Variants in PLS1 observed in about 807,000 individuals in gnomAD.
The protein encoded by PLS1 is plastin 1.
Under a neutral mutation model 73.7 loss-of-function variants are expected in PLS1, and 32 were observed. The observed-to-expected ratio is 0.43, with a 90% confidence interval of 0.33 to 0.58. PLS1 has a LOEUF of 0.58. Ranked by LOEUF, PLS1 falls within the 20% of genes least tolerant of loss-of-function variation. The probability of loss-of-function intolerance (pLI) is 0.04; values close to 1 mark genes in which losing one functional copy is unlikely to be tolerated. For synonymous variants in PLS1, 217 were observed against 261.3 expected, an observed-to-expected ratio of 0.83 and a Z score of 1.63; for missense variants, 633 against 740.5, an observed-to-expected ratio of 0.85 and a Z score of 1.68.
At position 142,712,019 on chromosome 3, in the gene PLS1, G is replaced by T; in HGVS notation, c.*12G>T. On this transcript the variant is annotated 3_prime_UTR_variant, in exon 16 of 16. Transcript: ENST00000457734. ...ACAGAATAAAATAATCATTTCATAT[G>T]ATTTTCTGCCACATTAAACATATTG... 1 of 1,610,758 alleles carries T rather than the reference G, an allele frequency of 6.2e-7. No individual in the cohort carries two copies.
intron 1 of PLS1, among the ~76,000 whole-genome samples, chr3:142,622,500 A>C (rs1402884511): frequency 6.6e-6 from 1 of 152,202 alleles, no homozygotes; most frequent in Non-Finnish European, 1.5e-5. Context: ...GGGATCATAC[A>C]GTACTGTATG....
chr3:142,676,332 T>G (rs1047386020), intron 5 of PLS1, 43 bp downstream of exon 5: 1 of 1,580,000 alleles, frequency 6.3e-7, no homozygotes, highest in African/African-American at 1.4e-5. Flanking sequence ...TCTTGCTGAT[T>G]ACATTGATGA....
chr3:142,706,740 A>G (rs73002088), intron 14 of PLS1, among the ~76,000 whole-genome samples: 10,668 of 152,158 alleles, frequency 0.07, 1,218 homozygotes, highest in African/African-American at 0.24. Context: ...TTAGAAAGCT[A>G]TAAGTTATTG....
At position 142,713,625 on chromosome 3, in the gene PLS1, TCA is replaced by T. The variant is rs1431793963; in HGVS notation, c.*1621_*1622del. On this transcript the variant is annotated 3_prime_UTR_variant, in exon 16 of 16. Transcript: ENST00000457734. ...CTGGCACTTTAGGGTGTTCTTTTTC[TCA>T]CAGAGTATATTTAATAAAAATGCTG... 1.3e-5 allele frequency: 2 copies of T among 152,718 alleles called. No homozygotes were observed. The highest frequency in any genetic ancestry group is 2.4e-5 in the African/African-American group (1 of 41,584). 9.5% of individuals were successfully genotyped at this position (152,718 alleles called of 1,614,324 possible).
At chr3:142,683,918 G>T in intron 6 of PLS1, 88 bp from the exon 7 acceptor site, 4 of 806,692 alleles carry the variant, frequency 5.0e-6, no homozygotes, top group Non-Finnish European at 7.6e-6. Context: ...TCTGAAATTT[G>T]GCAGTCCATT....
intron 1 of PLS1, among the ~76,000 whole-genome samples, chr3:142,625,996 T>A (rs1488354590): frequency 6.6e-6 from 1 of 152,148 alleles, no homozygotes; most frequent in Non-Finnish European, 1.5e-5. Flanking sequence ...AATGAATGAA[T>A]AAATGAATTC....
chr3:142,613,166 T>G (rs920404718), intron 1 of PLS1, among the ~76,000 whole-genome samples: 2 of 152,098 alleles, frequency 1.3e-5, no homozygotes, highest in Non-Finnish European at 2.9e-5. Flanking sequence ...TCAGATACAG[T>G]TTACTTTCCC....
rs552070780 is a variant in PLS1, at chr3:142,596,423, C to A, written c.-123C>A. ...CGCGAGCGCAGCGGCTACGCGGGCGCGGAGAGGTAGCCGCAGAGTGGACCT... is the reference window on the plus strand; with the variant it reads ...CGCGAGCGCAGCGGCTACGCGGGCGAGGAGAGGTAGCCGCAGAGTGGACCT... On this transcript the variant is annotated 5_prime_UTR_variant, in exon 1 of 16. Transcript: ENST00000457734. 6.6e-6 allele frequency: 1 copy of A among 152,400 alleles called. No homozygotes were observed. Among genetic ancestry groups the A allele is most frequent in the Non-Finnish European group, 1.5e-5 (1 of 68,106 alleles). 9.4% of individuals were successfully genotyped at this position (152,400 alleles called of 1,614,324 possible).
chr3:142,642,025 C>T (rs2036853356), intron 1 of PLS1, among the ~76,000 whole-genome samples: 1 of 152,136 alleles, frequency 6.6e-6, no homozygotes, highest in African/African-American at 2.4e-5. Context: ...CTTCCCACTT[C>T]ATATCTGGCT....
chr3:142,662,294 T>A (rs1471578675), intron 1 of PLS1, among the ~76,000 whole-genome samples: 2 of 152,172 alleles, frequency 1.3e-5, no homozygotes, highest in African/African-American at 2.4e-5. Flanking sequence ...ACCATCATTC[T>A]CAGCAAACTA....
At chr3:142,683,865 T>C (rs1288660615) in intron 6 of PLS1, 141 bp from the exon 7 acceptor site, 4 of 604,336 alleles carry the variant, frequency 6.6e-6, no homozygotes, top group African/African-American at 1.8e-5. Context: ...GTTTTTTTTT[T>C]TGAGTAGTGG....
rs979637828 is a variant in PLS1 at position 142,683,242 on chromosome 3, C to T, written c.580-764C>T. On this transcript the variant is annotated intron_variant, in intron 6 of 15. Transcript: ENST00000457734. ...GCTCTGGGCCAGGTGCGGTGGCTCACGCCTGTAATCCCAGCACTTTGGGAG... is the reference window on the plus strand; with the variant it reads ...GCTCTGGGCCAGGTGCGGTGGCTCATGCCTGTAATCCCAGCACTTTGGGAG... 3.3e-5 allele frequency among the ~76,000 whole-genome samples: 5 copies of T among 152,230 alleles called. No individual in the cohort carries two copies. In the South Asian group the frequency reaches 8.3e-4, roughly 25 times the overall value.
rs1185547517 is a variant in PLS1, at chr3:142,600,877, CATAT to C, written c.-37+4405_-37+4408del. Among the ~76,000 whole-genome samples the C allele has an allele frequency of 4.8e-3, 112 of 23,504 alleles. 1 individual carries two copies. Among genetic ancestry groups the C allele is most frequent in the East Asian group, 0.01 (5 of 490 alleles). 15.4% of individuals were successfully genotyped at this position (23,504 alleles called of 152,430 possible). On this transcript the variant is annotated intron_variant, in intron 1 of 15. Transcript: ENST00000457734. Reference sequence around the variant, plus strand: ...GGGAAGGGAAGGGTTGGCCTGGTTTCATATATATATATATATATATATATATATA... The same window carrying C: ...GGGAAGGGAAGGGTTGGCCTGGTTTCATATATATATATATATATATATATA...
intron 3 of PLS1, among the ~76,000 whole-genome samples, chr3:142,670,611 G>A (rs374622620): frequency 6.6e-6 from 1 of 152,218 alleles, no homozygotes; most frequent in African/African-American, 2.4e-5. Flanking sequence ...TCCTCTAAGA[G>A]CTGACTTATT....
chr3:142,609,090 T>A (rs2036074095), intron 1 of PLS1, among the ~76,000 whole-genome samples: 1 of 152,242 alleles, frequency 6.6e-6, no homozygotes, highest in African/African-American at 2.4e-5. Context: ...GATAGTTGTC[T>A]GAGGAAGGTT....
intron 1 of PLS1, among the ~76,000 whole-genome samples, chr3:142,642,048 TTTGC>T (rs2036853869): frequency 6.6e-6 from 1 of 152,146 alleles, no homozygotes; most frequent in Non-Finnish European, 1.5e-5. Context: ...GGAGGTTTCT[TTTGC>T]TTGCTCTAGA....
intron 1 of PLS1, among the ~76,000 whole-genome samples, chr3:142,636,696 C>G (rs1025382462): frequency 1.3e-5 from 2 of 152,134 alleles, no homozygotes; most frequent in African/African-American, 4.8e-5. Context: ...GCACCTATAT[C>G]CATAATATGC....
At chr3:142,681,100 G>A (rs759598057) in intron 6 of PLS1, among the ~76,000 whole-genome samples, 8 of 152,098 alleles carry the variant, frequency 5.3e-5, no homozygotes, top group African/African-American at 1.9e-4. Flanking sequence ...TTGGAAGTGT[G>A]CTATCTAAAA....
chr3:142,704,611 T>G, intron 14 of PLS1, 25 bp downstream of exon 14: 1 of 1,468,058 alleles, frequency 6.8e-7, no homozygotes, highest in Non-Finnish European at 9.2e-7. Context: ...TAAAAAAAAT[T>G]TTTTTTTGTA....
Sources: gnomAD v4.1 joint callset for allele counts (sites outside exome capture counted in the v4.1 genomes callset) on GRCh38, gnomAD v4.1.1 for gene constraint, MANE v1.5 for transcripts, NCBI Gene and HGNC (gene_info 2026-07-23, HGNC 2026-07-21) for gene names.